Variants in RANBP2 observed in about 807,000 individuals in gnomAD.
RANBP2 encodes E3 SUMO-protein ligase RanBP2.
RANBP2 carries 57 observed loss-of-function variants against 303.6 expected under a neutral mutation model. The ratio of observed to expected loss-of-function variants is 0.19; its 90% CI spans 0.15 to 0.23. The LOEUF is 0.23. RANBP2 is among the 10% of genes least tolerant of loss of function. The pLI is 1.00. For synonymous variants in RANBP2, 1,167 were observed against 1,301.5 expected (o/e 0.90, Z 2.23); for missense variants, 3,138 against 3,780.8 (o/e 0.83, Z 4.46).
chr2:109,480,622 C>T, the RANBP2 span, among the ~76,000 whole-genome samples: 1 of 152,152 alleles, frequency 6.6e-6, no homozygotes, highest in African/African-American at 2.4e-5. Flanking sequence ...CTCTGCTGCC[C>T]TGTGGGAGGA....
chr2:108,764,958 A>T lies in RANBP2; in HGVS notation c.4419A>T (p.Arg1473Ser). Residue 1473 changes from arginine (R) to serine (S), a missense_variant, in exon 20 of 29, where the codon AGA (arginine) becomes AGT (serine). Around this residue, in one of 20 missense-constraint regions of RANBP2, gnomAD observed 388 missense variants for 328.5 expected, o/e 1.18. Transcript: ENST00000283195. ...CTAAACCTATTAACAGTGATTTCAG[A>T]TCTGTTTTTTCTACAAAGGAAGGAC... ...DLPKPINSDF[R>S]SVFSTKEGQW... The T allele has an allele frequency of 6.2e-7, 1 of 1,614,062 alleles. No individual in the cohort carries two copies.
In RANBP2 at chr2:108,735,715, T is replaced by G; in HGVS notation, c.589T>G (p.Leu197Val). The G allele has an allele frequency of 6.3e-7, 1 of 1,597,610 alleles. No individual in the cohort carries two copies. Among genetic ancestry groups the G allele is most frequent in the Non-Finnish European group, 8.5e-7 (1 of 1,179,792 alleles). The change falls in exon 5 of 29, where the codon TTG becomes GTG. Residue 197 changes from leucine (L) to valine (V), a missense_variant. This residue lies in a region of RANBP2 where 306 missense variants were observed against 381.9 expected (regional missense o/e 0.80). Coordinates refer to ENST00000283195, the MANE Select transcript of RANBP2 (RefSeq NM_006267.5). ...CCATGAGGCAGAGAGGAACATAGCT[T>G]TGCGTTCAAGTTTAGAATGGAATTC... ...HCHEAERNIA[L>V]RSSLEWNSCV...
chr2:108,865,239 C>T, the RANBP2 span, among the ~76,000 whole-genome samples: 4 of 152,074 alleles, frequency 2.6e-5, no homozygotes, highest in Non-Finnish European at 4.4e-5. Flanking sequence ...AAGCAGACCA[C>T]GATTGATGGA....
At chr2:109,676,313 C>T in the RANBP2 span, among the ~76,000 whole-genome samples, 2,402 of 152,296 alleles carry the variant, frequency 0.016, 69 homozygotes, top group African/African-American at 0.054. Flanking sequence ...TCCCAGTGCC[C>T]GCCTCCACTG....
At chr2:108,846,741 T>C in the RANBP2 span, 1 of 1,604,770 alleles carries the variant, frequency 6.2e-7, no homozygotes, top group Non-Finnish European at 8.5e-7. Context: ...TTAACAGCAC[T>C]CGACTATGAC....
At chr2:109,053,078 T>C in the RANBP2 span, among the ~76,000 whole-genome samples, 2 of 152,210 alleles carry the variant, frequency 1.3e-5, no homozygotes, top group Non-Finnish European at 2.9e-5. Context: ...GGCCTTTCTC[T>C]GGAGGGTGAG....
the RANBP2 span, among the ~76,000 whole-genome samples, chr2:109,318,691 A>ATGCCCTGGCCAGAATCCGGGGC: frequency 5.3e-5 from 8 of 152,286 alleles, no homozygotes; most frequent in South Asian, 1.0e-3. Flanking sequence ...CTCTCAGATC[A>ATGCCCTGGCCAGAATCCGGGGC]TGCCCTGGCC....
the RANBP2 span, among the ~76,000 whole-genome samples, chr2:109,268,693 T>C: frequency 6.6e-6 from 1 of 152,082 alleles, no homozygotes; most frequent in Non-Finnish European, 1.5e-5. Context: ...TATTTTTCAC[T>C]TTCAGGGCAG....
the RANBP2 span, among the ~76,000 whole-genome samples, chr2:109,464,878 G>A: frequency 0.017 from 2,583 of 152,206 alleles, 75 homozygotes; most frequent in African/African-American, 0.059. Context: ...AAAATCTATG[G>A]ATTTTGACAA....
At chr2:109,349,912 A>G in the RANBP2 span, among the ~76,000 whole-genome samples, 2,360 of 152,362 alleles carry the variant, frequency 0.015, 29 homozygotes, top group Non-Finnish European at 0.021. Flanking sequence ...CTGCCCATTT[A>G]TTCCACAGAA....
At chr2:109,327,368 A>G in the RANBP2 span, among the ~76,000 whole-genome samples, 11 of 152,152 alleles carry the variant, frequency 7.2e-5, no homozygotes, top group Admixed American at 5.2e-4. Flanking sequence ...CTTCAGTTCC[A>G]TCGGTCTATT....
the RANBP2 span, among the ~76,000 whole-genome samples, chr2:109,450,584 C>T: frequency 6.6e-6 from 1 of 152,154 alleles, no homozygotes; most frequent in Non-Finnish European, 1.5e-5. Context: ...CAGCTTATTC[C>T]ATTAAACCCA....
At chr2:108,952,968 G>C in the RANBP2 span, among the ~76,000 whole-genome samples, 1 of 152,152 alleles carries the variant, frequency 6.6e-6, no homozygotes. Context: ...CTGAAGTATA[G>C]ACTTTCTGAG....
the RANBP2 span, among the ~76,000 whole-genome samples, chr2:109,433,882 G>T: frequency 6.6e-6 from 1 of 152,228 alleles, no homozygotes; most frequent in East Asian, 1.9e-4. Context: ...TTCAGGAAAT[G>T]CACCCCCTCA....
chr2:109,434,833 G>A, the RANBP2 span, among the ~76,000 whole-genome samples: 1 of 152,208 alleles, frequency 6.6e-6, no homozygotes, highest in African/African-American at 2.4e-5. Flanking sequence ...TCATATACGA[G>A]GTGCTCAATA....
At chr2:108,731,301 T>C (rs774910620) in intron 3 of RANBP2, 21 bp from the exon 4 acceptor site, 5 of 1,609,548 alleles carry the variant, frequency 3.1e-6, no homozygotes, top group Middle Eastern at 2.3e-4. Context: ...TACTAATCTT[T>C]AATTTCTTTT....
At chr2:109,646,120 C>T in the RANBP2 span, among the ~76,000 whole-genome samples, 1 of 152,156 alleles carries the variant, frequency 6.6e-6, no homozygotes, top group African/African-American at 2.4e-5. Context: ...ACCATGCTCT[C>T]ACCCTAGGCT....
chr2:109,519,315 C>T, the RANBP2 span, among the ~76,000 whole-genome samples: 1 of 152,198 alleles, frequency 6.6e-6, no homozygotes, highest in African/African-American at 2.4e-5. Flanking sequence ...AAACTGCCCC[C>T]ATGATCCAAT....
At chr2:109,224,835 TGACAGAGCAAGACTCTGTCTCAA>T in the RANBP2 span, among the ~76,000 whole-genome samples, 1 of 152,170 alleles carries the variant, frequency 6.6e-6, no homozygotes, top group African/African-American at 2.4e-5. Context: ...CCAGCCTGGG[TGACAGAGCAAGACTCTGTCTCAA>T]AAAAATTTTT....
Sources: allele counts gnomAD v4.1 joint callset (sites outside exome capture counted in the v4.1 genomes callset), GRCh38; gene constraint gnomAD v4.1.1; regional missense constraint gnomAD v4.1.1; transcripts MANE v1.5; gene names NCBI Gene and HGNC (gene_info 2026-07-23, HGNC 2026-07-21).